Variants in DYNC1I1 observed in about 807,000 individuals in gnomAD.
DYNC1I1 encodes the protein dynein cytoplasmic 1 intermediate chain 1.
In DYNC1I1, 43 loss-of-function variants were observed where a neutral mutation model predicts 86.6. The observed-to-expected ratio is 0.50, with a 90% CI of 0.39 to 0.64. The LOEUF is 0.64. DYNC1I1 is among the 30% of genes least tolerant of loss of function. The probability of loss-of-function intolerance (pLI) is 0.00; values close to 1 mark genes in which losing one functional copy is unlikely to be tolerated. For missense variants in DYNC1I1, 604 were observed against 788.8 expected (o/e 0.77, Z 2.81); for synonymous variants, 262 against 283.7 (o/e 0.92, Z 0.77).
chr7:95,811,908 G>A (rs1480092224), intron 3 of DYNC1I1, among the ~76,000 whole-genome samples: 1 of 152,138 alleles, frequency 6.6e-6, no homozygotes, highest in Non-Finnish European at 1.5e-5. Flanking sequence ...ATAATAGTAT[G>A]TCCTAGTCTC....
At chr7:96,082,073 T>C (rs1410131625) in intron 16 of DYNC1I1, among the ~76,000 whole-genome samples, 1 of 152,184 alleles carries the variant, frequency 6.6e-6, no homozygotes, top group African/African-American at 2.4e-5. Context: ...ACTATTGATA[T>C]AGTCTGGAGT....
At chr7:95,781,290 G>T in intron 1 of DYNC1I1, among the ~76,000 whole-genome samples, 1 of 152,284 alleles carries the variant, frequency 6.6e-6, no homozygotes, top group Non-Finnish European at 1.5e-5. Flanking sequence ...GTCAAATGCT[G>T]CTGAAAAGTA....
intron 6 of DYNC1I1, among the ~76,000 whole-genome samples, chr7:95,962,982 A>T (rs1345956292): frequency 6.6e-6 from 1 of 152,190 alleles, no homozygotes; most frequent in African/African-American, 2.4e-5. Flanking sequence ...GACTCTATTT[A>T]ACTTGGTATT....
intron 6 of DYNC1I1, among the ~76,000 whole-genome samples, chr7:95,879,128 G>A (rs1217086765): frequency 6.6e-6 from 1 of 152,118 alleles, no homozygotes; most frequent in Non-Finnish European, 1.5e-5. Context: ...ACCCCAGAGA[G>A]TAATTCAAAT....
intron 5 of DYNC1I1, among the ~76,000 whole-genome samples, chr7:95,868,744 T>TA (rs1365946317): frequency 6.6e-6 from 1 of 152,224 alleles, no homozygotes; most frequent in Non-Finnish European, 1.5e-5. Flanking sequence ...GCATATGCAT[T>TA]ATGTGTATGT....
intron 5 of DYNC1I1, among the ~76,000 whole-genome samples, chr7:95,836,537 C>T (rs1789096674): frequency 6.6e-6 from 1 of 151,730 alleles, no homozygotes; most frequent in African/African-American, 2.4e-5. Flanking sequence ...TGGGGAAGTT[C>T]TCCTGGATAA....
At chr7:95,998,333 C>A (rs1224614728) in intron 10 of DYNC1I1, among the ~76,000 whole-genome samples, 1 of 152,212 alleles carries the variant, frequency 6.6e-6, no homozygotes, top group Non-Finnish European at 1.5e-5. Context: ...GGCTGTACAG[C>A]CCATTCAAGG....
intron 4 of DYNC1I1, among the ~76,000 whole-genome samples, chr7:95,816,302 G>A (rs552776008): frequency 2.0e-4 from 31 of 152,280 alleles, no homozygotes; most frequent in South Asian, 4.1e-4. Context: ...GATTATAGGC[G>A]TGAGCCACTG....
chr7:96,085,223 C>T (rs1790643504), intron 16 of DYNC1I1, among the ~76,000 whole-genome samples: 1 of 152,332 alleles, frequency 6.6e-6, no homozygotes, highest in African/African-American at 2.4e-5. Flanking sequence ...CAATTATCCT[C>T]TATGACTTTT....
At chr7:95,810,547 C>T (rs1584244086) in intron 3 of DYNC1I1, 41 bp downstream of exon 3, 1 of 1,550,376 alleles carries the variant, frequency 6.5e-7, no homozygotes, top group African/African-American at 1.4e-5. Context: ...TCAAAATCAA[C>T]TTGCGTGGGA....
intron 7 of DYNC1I1, 146 bp downstream of exon 7, chr7:95,977,747 T>C (rs1329297108): frequency 6.6e-6 from 4 of 610,290 alleles, no homozygotes; most frequent in Non-Finnish European, 1.1e-5. Flanking sequence ...TACATTACAT[T>C]TAGCAACATA....
chr7:95,971,526 G>A (rs1793170855), intron 6 of DYNC1I1, among the ~76,000 whole-genome samples: 1 of 151,992 alleles, frequency 6.6e-6, no homozygotes, highest in African/African-American at 2.4e-5. Flanking sequence ...AAAAACTCAG[G>A]TCTTTATATC....
chr7:95,784,731 A>T (rs1177724465), intron 1 of DYNC1I1, among the ~76,000 whole-genome samples: 1 of 152,224 alleles, frequency 6.6e-6, no homozygotes, highest in East Asian at 1.9e-4. Context: ...TCTGTGAGGT[A>T]GGGAGTTCCC....
At chr7:95,925,194 A>C (rs1289015434) in intron 6 of DYNC1I1, among the ~76,000 whole-genome samples, 4 of 152,306 alleles carry the variant, frequency 2.6e-5, no homozygotes, top group Admixed American at 2.6e-4. Flanking sequence ...AGTGGGGACA[A>C]GACTTGCCAA....
At chr7:95,804,072 A>T (rs1005331553) in intron 1 of DYNC1I1, 1 of 163,878 alleles carries the variant, frequency 6.1e-6, no homozygotes, top group Admixed American at 6.2e-5. Flanking sequence ...TATTACATTC[A>T]GAATGCAAAT....
chr7:95,977,743 A>T, intron 7 of DYNC1I1, 142 bp downstream of exon 7: 2 of 606,676 alleles, frequency 3.3e-6, no homozygotes, highest in South Asian at 3.5e-5. Context: ...TCAATACATT[A>T]CATTTAGCAA....
rs1357429717 is a variant in DYNC1I1, at chr7:96,098,395, T to A, written c.*802T>A. On this transcript the variant is annotated 3_prime_UTR_variant, in exon 17 of 17. Transcript: ENST00000447467. ...AAGTCTATGGTTCCTAAATATGACA[T>A]CAGTGTTGCCAATAAAATGTTTCAA... 1.0e-6 allele frequency: 1 copy of A among 985,408 alleles called. No homozygotes were observed. The highest frequency in any genetic ancestry group is 1.7e-5 in the African/African-American group (1 of 57,254). The allele number at this position is 985,408 out of a possible 1,614,324, so 61.0% of individuals were successfully genotyped here.
chr7:95,978,056 G>A (rs1793353749), intron 7 of DYNC1I1, among the ~76,000 whole-genome samples: 1 of 152,264 alleles, frequency 6.6e-6, no homozygotes, highest in East Asian at 1.9e-4. Flanking sequence ...AACTCTGCCT[G>A]TATAAGGAGG....
At chr7:96,080,225 C>T in intron 15 of DYNC1I1, 138 bp from the exon 16 acceptor site, 1 of 1,108,558 alleles carries the variant, frequency 9.0e-7, no homozygotes, top group Non-Finnish European at 1.2e-6. Context: ...CCCTTTTTCC[C>T]CCCGGCACAA....
Sources: gnomAD v4.1 joint callset for allele counts (sites outside exome capture counted in the v4.1 genomes callset) on GRCh38, gnomAD v4.1.1 for gene constraint, MANE v1.5 for transcripts, NCBI Gene and HGNC (gene_info 2026-07-23, HGNC 2026-07-21) for gene names.